The following KIF11 variants were observed in gnomAD, a reference collection of about 807,000 sequenced individuals.
KIF11 encodes kinesin-like protein KIF11.
KIF11 carries 9 observed loss-of-function variants against 121.0 expected under a neutral mutation model. The observed-to-expected ratio is 0.07, with a 90% CI of 0.04 to 0.13. KIF11 has a LOEUF of 0.13. KIF11 is among the 10% of genes least tolerant of loss of function. The pLI, the probability that KIF11 is intolerant of heterozygous loss-of-function variation, is 1.00. For synonymous variants in KIF11, 408 were observed against 421.0 expected (o/e 0.97, Z 0.38); for missense variants, 846 against 1,217.5 (o/e 0.69, Z 4.54).
At chr10:92,594,323 C>G (rs1455849577) in intron 1 of KIF11, among the ~76,000 whole-genome samples, 1 of 152,168 alleles carries the variant, frequency 6.6e-6, no homozygotes. Flanking sequence ...TTACTCAGCC[C>G]TGGTAACTTG....
chr10:92,608,053 C>T (rs945852867), intron 4 of KIF11, among the ~76,000 whole-genome samples: 4 of 141,380 alleles, frequency 2.8e-5, no homozygotes, highest in African/African-American at 1.1e-4. Flanking sequence ...TACCTGAGAA[C>T]GAGACTCTGT....
In KIF11 at chr10:92,593,297, C is replaced by A; in HGVS notation, c.-79C>A. 6.9e-7 allele frequency: 1 copy of A among 1,451,264 alleles called. No homozygotes were observed. Among genetic ancestry groups the A allele is most frequent in the Non-Finnish European group, 9.4e-7 (1 of 1,063,886 alleles). The allele number at this position is 1,451,264 out of a possible 1,614,324, so 89.9% of individuals were successfully genotyped here. ...GAGAGGGACCAGGGAGACTCCGGCC[C>A]CTGTCGGCCGCCAAGCCCCTCCGCC... is the stretch of plus-strand genomic sequence containing the variant. On this transcript the variant is annotated 5_prime_UTR_variant, in exon 1 of 22. Coordinates refer to ENST00000260731, the MANE Select transcript of KIF11 (RefSeq NM_004523.4).
chr10:92,619,111 G>A (rs1481505715), intron 9 of KIF11, among the ~76,000 whole-genome samples: 1 of 152,050 alleles, frequency 6.6e-6, no homozygotes, highest in Non-Finnish European at 1.5e-5. Context: ...CCGCCTCCCG[G>A]GTTCAAGCGA....
intron 21 of KIF11, among the ~76,000 whole-genome samples, chr10:92,651,618 C>T (rs146807928): frequency 6.2e-5 from 9 of 145,402 alleles, no homozygotes; most frequent in South Asian, 4.4e-4. Flanking sequence ...CTGCCTGCCT[C>T]GGCCTCCCGT....
chr10:92,621,537 G>T, intron 10 of KIF11, 64 bp downstream of exon 10: 1 of 962,364 alleles, frequency 1.0e-6, no homozygotes. Context: ...GCTATTTGAA[G>T]TAAAACTTAT....
Position 92,649,901 on chromosome 10 carries a change from A to G in KIF11, c.2837A>G (p.His946Arg), listed in dbSNP as rs1463255678. 2 of 1,613,144 alleles carry G rather than the reference A, an allele frequency of 1.2e-6. No homozygotes were observed. Among genetic ancestry groups the G allele is most frequent in the Non-Finnish European group, 1.7e-6 (2 of 1,179,248 alleles). Residue 946 changes from histidine (H) to arginine (R), a missense_variant, in exon 20 of 22, where the codon CAT becomes CGT. His to Arg is a conservative substitution (Grantham distance 29). This residue lies in a region of KIF11 where 492 missense variants were observed against 603.4 expected (regional missense o/e 0.82). Coordinates refer to ENST00000260731, the MANE Select transcript of KIF11 (RefSeq NM_004523.4). ...STLVRTEPRE[H>R]LLDQLKRKQP... is the part of the protein sequence containing the mutation. ...CTGGTAAGAACTGAACCACGTGAAC[A>G]TCTCCTTGATCAGCTGAAAAGGAAA...
At chr10:92,617,108 T>G (rs1844565239) in intron 9 of KIF11, among the ~76,000 whole-genome samples, 1 of 152,248 alleles carries the variant, frequency 6.6e-6, no homozygotes, top group Non-Finnish European at 1.5e-5. Flanking sequence ...TGAGGTATAA[T>G]TTACATGCCA....
intron 12 of KIF11, among the ~76,000 whole-genome samples, chr10:92,631,486 C>T (rs536708005): frequency 1.1e-3 from 172 of 150,130 alleles, no homozygotes; most frequent in Admixed American, 7.2e-3. Flanking sequence ...CTCAGCCTCC[C>T]GAGTAGCTGG....
rs752852338 is a variant in KIF11 at position 92,609,293 on chromosome 10, AGAGAGAGAGAGT to A, written c.573+90_574-79del. On this transcript the variant is annotated intron_variant, in intron 5 of 21. Coordinates refer to ENST00000260731, the MANE Select transcript of KIF11 (RefSeq NM_004523.4). ...GAGAGAGAGAGAGAGAGAGAGAGAG[AGAGAGAGAGAGT>A]GTGTGTGTGTGTGTGTGTGTGTGTG... The A allele has an allele frequency of 5.9e-3, 6,920 of 1,166,082 alleles. 26 individuals are homozygous for A. The highest frequency in any genetic ancestry group is 0.036 in the African/African-American group (1,609 of 45,176). 72.2% of individuals were successfully genotyped at this position (1,166,082 alleles called of 1,614,324 possible).
intron 10 of KIF11, among the ~76,000 whole-genome samples, chr10:92,627,514 T>C (rs1021800721): frequency 6.6e-6 from 1 of 152,222 alleles, no homozygotes; most frequent in Non-Finnish European, 1.5e-5. Flanking sequence ...AGCATCCTTT[T>C]ATTTTATAGA....
chr10:92,624,251 G>A (rs79283950), intron 10 of KIF11, among the ~76,000 whole-genome samples: 2 of 105,294 alleles, frequency 1.9e-5, no homozygotes, highest in Admixed American at 2.3e-4. Flanking sequence ...TTTTTTTTTC[G>A]AGACAGTCTT....
At chr10:92,609,303 A>AGAGAGAGTGAGTGT in intron 5 of KIF11, 82 bp from the exon 6 acceptor site, 3 of 379,626 alleles carry the variant, frequency 7.9e-6, no homozygotes, top group Non-Finnish European at 1.1e-5. Context: ...AGAGAGAGAG[A>AGAGAGAGTGAGTGT]GTGTGTGTGT....
At chr10:92,608,847 A>C (rs1844460262) in intron 4 of KIF11, among the ~76,000 whole-genome samples, 173 bp from the exon 5 acceptor site, 1 of 152,166 alleles carries the variant, frequency 6.6e-6, no homozygotes. Context: ...CTACTGTAGA[A>C]CAGACTGTTG....
chr10:92,593,539 G>A, intron 1 of KIF11, 87 bp downstream of exon 1: 1 of 1,161,784 alleles, frequency 8.6e-7, no homozygotes, highest in Non-Finnish European at 1.2e-6. Context: ...GATTTTATTT[G>A]CATTTCCTGA....
At chr10:92,615,176 A>G (rs1215577538) in intron 8 of KIF11, among the ~76,000 whole-genome samples, 1 of 151,410 alleles carries the variant, frequency 6.6e-6, no homozygotes, top group African/African-American at 2.4e-5. Context: ...GGCTGAGGTG[A>G]GTGGATCATC....
intron 1 of KIF11, among the ~76,000 whole-genome samples, chr10:92,596,539 C>CTT (rs572293361): frequency 4.9e-5 from 6 of 121,530 alleles, no homozygotes; most frequent in Admixed American, 8.0e-5. Context: ...TTTTCTGTTT[C>CTT]TTTTTTTTTT....
intron 10 of KIF11, among the ~76,000 whole-genome samples, chr10:92,622,705 T>C (rs7914248): frequency 0.13 from 19,573 of 152,172 alleles, 3,367 homozygotes; most frequent in African/African-American, 0.39. Context: ...TGATACAATA[T>C]GTGTATTAGT....
chr10:92,608,648 G>T (rs943694921), intron 4 of KIF11, among the ~76,000 whole-genome samples: 3 of 152,048 alleles, frequency 2.0e-5, no homozygotes, highest in Non-Finnish European at 4.4e-5. Context: ...CGTGTTGGCC[G>T]GGATGGTCTT....
chr10:92,598,057 G>T (rs541343965), intron 1 of KIF11, among the ~76,000 whole-genome samples: 2 of 152,180 alleles, frequency 1.3e-5, no homozygotes, highest in African/African-American at 4.8e-5. Flanking sequence ...AGGTAGCTGG[G>T]ATCACAGGGA....
Sources: allele counts gnomAD v4.1 joint callset (sites outside exome capture counted in the v4.1 genomes callset), GRCh38; gene constraint gnomAD v4.1.1; regional missense constraint gnomAD v4.1.1; transcripts MANE v1.5; gene names NCBI Gene and HGNC (gene_info 2026-07-23, HGNC 2026-07-21).